Variants in ZFAT observed in about 807,000 individuals in gnomAD.
The protein encoded by ZFAT is zinc finger protein ZFAT.
Under a neutral mutation model 117.7 loss-of-function variants are expected in ZFAT, and 64 were observed. The observed-to-expected ratio is 0.54, with a 90% confidence interval of 0.44 to 0.67. The LOEUF (loss-of-function observed/expected upper bound fraction) is 0.67. ZFAT is among the 30% of genes least tolerant of loss of function. The probability of loss-of-function intolerance (pLI) is 0.00; values close to 1 mark genes in which losing one functional copy is unlikely to be tolerated. For synonymous variants in ZFAT, 679 were observed against 615.0 expected (o/e 1.10, Z -1.54); for missense variants, 1,433 against 1,584.5 (o/e 0.90, Z 1.62).
intron 4 of ZFAT, among the ~76,000 whole-genome samples, chr8:134,609,586 T>C (rs1197307512): frequency 2.6e-5 from 4 of 152,224 alleles, no homozygotes; most frequent in Non-Finnish European, 4.4e-5. Flanking sequence ...AATAATGAGT[T>C]ACTCTTAGCA....
chr8:134,671,219 T>C lies in ZFAT; in HGVS notation c.20-13482A>G, dbSNP rs555507095. On this transcript the variant is annotated intron_variant, in intron 1 of 15. Transcript: ENST00000377838. Reference sequence around the variant, plus strand: ...TTCATTCTGAAACTGTTCCAATCAATAGAAAAAGAGGGAATCCTCCCTAAC... The same window carrying C: ...TTCATTCTGAAACTGTTCCAATCAACAGAAAAAGAGGGAATCCTCCCTAAC... Among the ~76,000 whole-genome samples the C allele has an allele frequency of 6.6e-5, 10 of 152,224 alleles. No homozygotes were observed. The South Asian group carries it at 1.2e-3, about 19-fold the overall frequency.
chr8:134,601,887 G>A lies in ZFAT; in HGVS notation c.1832C>T (p.Ala611Val). Reference protein sequence around the residue: ...NDTSSAEAHAAPEKPPDMQHR... With the variant: ...NDTSSAEAHAVPEKPPDMQHR... ...CTGCATGTCTGGGGGCTTCTCAGGAGCAGCATGAGCCTCTGCGGAGGAGGT... is the reference window on the plus strand; with the variant it reads ...CTGCATGTCTGGGGGCTTCTCAGGAACAGCATGAGCCTCTGCGGAGGAGGT... The change falls in exon 6 of 16, where the codon GCT (alanine) becomes GTT (valine). Residue 611 changes from alanine to valine, a missense_variant. Physicochemically the swap from Ala to Val is moderately conservative, Grantham distance 64 (BLOSUM62 0). This residue lies in a region of ZFAT where 372 missense variants were observed against 355.6 expected (regional missense o/e 1.05). Coordinates refer to ENST00000377838, the MANE Select transcript of ZFAT (RefSeq NM_020863.4). 1 of 1,613,406 alleles carries A rather than the reference G, an allele frequency of 6.2e-7. No homozygotes were observed. Among genetic ancestry groups the A allele is most frequent in the Non-Finnish European group, 8.5e-7 (1 of 1,179,666 alleles).
intron 1 of ZFAT, among the ~76,000 whole-genome samples, chr8:134,685,927 C>A (rs577764922): frequency 6.6e-6 from 1 of 152,176 alleles, no homozygotes; most frequent in African/African-American, 2.4e-5. Flanking sequence ...CATCTTAAGA[C>A]GAGTTAAGTG....
the ZFAT span, among the ~76,000 whole-genome samples, chr8:134,746,624 TG>T: frequency 6.6e-6 from 1 of 152,218 alleles, no homozygotes; most frequent in African/African-American, 2.4e-5. Context: ...TGCCCTCTTT[TG>T]GAACATGTTC....
intron 1 of ZFAT, among the ~76,000 whole-genome samples, chr8:134,676,200 C>A (rs1832788885): frequency 8.2e-6 from 1 of 122,650 alleles, no homozygotes; most frequent in African/African-American, 3.1e-5. Context: ...CATGTGCAAA[C>A]ACACAAAGGC....
At chr8:134,607,262 A>C (rs1222515394) in intron 5 of ZFAT, among the ~76,000 whole-genome samples, 1 of 152,248 alleles carries the variant, frequency 6.6e-6, no homozygotes, top group East Asian at 1.9e-4. Context: ...TTATGAATTC[A>C]CCAAAGGAAT....
At chr8:134,759,134 C>T in the ZFAT span, among the ~76,000 whole-genome samples, 1 of 152,136 alleles carries the variant, frequency 6.6e-6, no homozygotes, top group Admixed American at 6.5e-5. Flanking sequence ...AGGCAGGACT[C>T]ATCAATAGAG....
At chr8:134,716,180 C>CATAT (rs1219904981), upstream of ZFAT, among the ~76,000 whole-genome samples, 712 of 137,400 alleles carry the variant, frequency 5.2e-3, 6 homozygotes, top group African/African-American at 0.017. Context: ...CACACACACA[C>CATAT]ACATATATAT....
chr8:134,761,960 TTC>T, the ZFAT span, among the ~76,000 whole-genome samples: 2,850 of 142,896 alleles, frequency 0.02, 77 homozygotes, highest in African/African-American at 0.074. Context: ...AGCTATTCAG[TTC>T]TCTCTCTCTT....
intron 14 of ZFAT, among the ~76,000 whole-genome samples, chr8:134,511,846 G>A (rs1240815184): frequency 6.6e-6 from 1 of 152,130 alleles, no homozygotes; most frequent in African/African-American, 2.4e-5. Flanking sequence ...AATCCTGACT[G>A]GGCCTTTTGG....
the ZFAT span, among the ~76,000 whole-genome samples, chr8:134,818,903 T>C: frequency 6.6e-6 from 1 of 152,202 alleles, no homozygotes; most frequent in Non-Finnish European, 1.5e-5. Flanking sequence ...AAACAGATAA[T>C]GGTTGCCTAG....
At chr8:134,532,463 A>G (rs1395588049) in intron 12 of ZFAT, among the ~76,000 whole-genome samples, 1 of 152,260 alleles carries the variant, frequency 6.6e-6, no homozygotes, top group East Asian at 1.9e-4. Context: ...AAGAAAAACA[A>G]CATGTTCCTG....
chr8:134,705,375 T>TTTG (rs369228719), intron 1 of ZFAT, among the ~76,000 whole-genome samples: 1 of 36,962 alleles, frequency 2.7e-5, no homozygotes, highest in South Asian at 1.3e-3. Flanking sequence ...TGGTTTTTTT[T>TTTG]TGTTTTTTTT....
Position 134,712,881 on chromosome 8 carries a change from G to C in ZFAT, c.-18C>G. The C allele has an allele frequency of 1.3e-6, 2 of 1,505,984 alleles. No individual in the cohort carries two copies. Among genetic ancestry groups the C allele is most frequent in the South Asian group, 1.3e-5 (1 of 79,996 alleles). 93.3% of individuals were successfully genotyped at this position (1,505,984 alleles called of 1,614,324 possible). ...GTCTCCATGGCAACGCCCCACCGCG[G>C]AGGAAAAAAAAGCCTCGGGCTCTTC... On this transcript the variant is annotated 5_prime_UTR_variant, in exon 1 of 16. Coordinates refer to ENST00000377838, the MANE Select transcript of ZFAT (RefSeq NM_020863.4).
At chr8:134,715,959 G>A (rs939456830), upstream of ZFAT, among the ~76,000 whole-genome samples, 1 of 151,870 alleles carries the variant, frequency 6.6e-6, no homozygotes, top group Non-Finnish European at 1.5e-5. Context: ...ACATACAGGC[G>A]ACCTCAAAAT....
At chr8:134,738,848 C>A in the ZFAT span, among the ~76,000 whole-genome samples, 1 of 152,152 alleles carries the variant, frequency 6.6e-6, no homozygotes, top group East Asian at 1.9e-4. Context: ...AACAGAAGCC[C>A]AATTTGGCTG....
intron 11 of ZFAT, among the ~76,000 whole-genome samples, chr8:134,558,913 G>A (rs1266815221): frequency 6.6e-6 from 1 of 152,174 alleles, no homozygotes; most frequent in East Asian, 1.9e-4. Context: ...TCATCTGCCT[G>A]GTTCTAAATC....
At chr8:134,728,237 T>G in the ZFAT span, among the ~76,000 whole-genome samples, 6 of 152,030 alleles carry the variant, frequency 3.9e-5, no homozygotes, top group Non-Finnish European at 8.8e-5. Context: ...CCTTCCATGA[T>G]CACAGGGAGG....
At chr8:134,787,002 C>T in the ZFAT span, among the ~76,000 whole-genome samples, 1 of 152,098 alleles carries the variant, frequency 6.6e-6, no homozygotes, top group African/African-American at 2.4e-5. Flanking sequence ...GTGCATGCCA[C>T]TGCACCCAGT....
Sources: gnomAD v4.1 joint callset for allele counts (sites outside exome capture counted in the v4.1 genomes callset) on GRCh38, gnomAD v4.1.1 for gene constraint, gnomAD v4.1.1 regional missense constraint, MANE v1.5 for transcripts, NCBI Gene and HGNC (gene_info 2026-07-23, HGNC 2026-07-21) for gene names.